The following MUCL1 variants were observed in gnomAD, a reference collection of about 807,000 sequenced individuals.
The protein encoded by MUCL1 is mucin-like protein 1.
A neutral mutation model predicts 9.2 loss-of-function variants in MUCL1; 11 were observed. That is an observed-to-expected ratio of 1.19 (90% CI 0.75 to 1.97). The LOEUF (loss-of-function observed/expected upper bound fraction) is 1.97. Among genes scored for constraint, MUCL1 ranks in the 30% most tolerant of loss-of-function variants. MUCL1 has a pLI of 0.00. For missense variants in MUCL1, 144 were observed against 110.9 expected, an observed-to-expected ratio of 1.30 and a Z score of -1.34; for synonymous variants, 48 against 40.5, an observed-to-expected ratio of 1.19 and a Z score of -0.71.
intron 1 of MUCL1, among the ~76,000 whole-genome samples, chr12:54,839,902 G>A (rs2135940455): frequency 6.6e-6 from 1 of 152,324 alleles, no homozygotes; most frequent in South Asian, 2.1e-4. Context: ...CAGACTTTCT[G>A]TGCTAAGCCC....
At chr12:54,843,274 G>A (rs1055965630) in intron 1 of MUCL1, among the ~76,000 whole-genome samples, 19 of 152,142 alleles carry the variant, frequency 1.2e-4, no homozygotes, top group African/African-American at 4.3e-4. Context: ...TGTTAATTAA[G>A]ACAATACTTT....
At chr12:54,831,598 G>A (rs1426420318) in intron 1 of MUCL1, among the ~76,000 whole-genome samples, 1 of 152,000 alleles carries the variant, frequency 6.6e-6, no homozygotes, top group Admixed American at 6.6e-5. Context: ...GAAACCTTAA[G>A]TTATACTAAG....
intron 1 of MUCL1, among the ~76,000 whole-genome samples, chr12:54,844,338 T>C (rs145342743): frequency 9.8e-5 from 15 of 152,320 alleles, no homozygotes; most frequent in African/African-American, 1.4e-4. Flanking sequence ...TAGATTTTTT[T>C]TGATGCCCTA....
At chr12:54,841,652 G>A (rs1025857726) in intron 1 of MUCL1, among the ~76,000 whole-genome samples, 4 of 152,126 alleles carry the variant, frequency 2.6e-5, no homozygotes, top group Non-Finnish European at 5.9e-5. Context: ...TTGGGAAAAT[G>A]TCTATTCAGA....
chr12:54,835,726 C>A, upstream of MUCL1, among the ~76,000 whole-genome samples: 1 of 151,068 alleles, frequency 6.6e-6, no homozygotes, highest in East Asian at 1.9e-4. Context: ...TCATATATGG[C>A]TTTTATTATT....
At chr12:54,839,236 C>A (rs904773450), upstream of MUCL1, 10 of 619,108 alleles carry the variant, frequency 1.6e-5, no homozygotes, top group Admixed American at 7.4e-5. Context: ...GTGGCTTACT[C>A]AGCTACTGGT....
At chr12:54,856,708 G>T in intron 2 of MUCL1, 62 bp from the exon 3 acceptor site, 1 of 1,552,182 alleles carries the variant, frequency 6.4e-7, no homozygotes, top group Non-Finnish European at 8.7e-7. Context: ...CTACCCCTGG[G>T]TGGGATAAAT....
chr12:54,834,581 C>T (rs1461995555), upstream of MUCL1, among the ~76,000 whole-genome samples: 2 of 151,952 alleles, frequency 1.3e-5, no homozygotes, highest in Non-Finnish European at 2.9e-5. Context: ...GCATAACATT[C>T]TCTTTACATA....
At chr12:54,839,117 T>C (rs1019280421), upstream of MUCL1, among the ~76,000 whole-genome samples, 2 of 151,672 alleles carry the variant, frequency 1.3e-5, no homozygotes, top group South Asian at 2.1e-4. Flanking sequence ...TTTTTCTCAT[T>C]GAGGATGTGA....
upstream of MUCL1, among the ~76,000 whole-genome samples, chr12:54,837,421 G>C (rs898932548): frequency 5.9e-5 from 9 of 151,844 alleles, no homozygotes; most frequent in Non-Finnish European, 1.2e-4. Context: ...CTTGCTTTTG[G>C]TTTCCATTTG....
chr12:54,855,383 C>G (rs1478290263), intron 2 of MUCL1: 7 of 522,572 alleles, frequency 1.3e-5, no homozygotes, highest in Non-Finnish European at 2.4e-5. Flanking sequence ...TAGACTTATA[C>G]AAATGTGGAC....
chr12:54,855,231 A>G (rs1209069758), intron 2 of MUCL1, 74 bp downstream of exon 2: 1 of 1,313,588 alleles, frequency 7.6e-7, no homozygotes, highest in Non-Finnish European at 1.1e-6. Flanking sequence ...TCAAACAGCC[A>G]GTTTCCATGT....
chr12:54,843,407 C>A (rs1959222475), intron 1 of MUCL1, among the ~76,000 whole-genome samples: 1 of 152,164 alleles, frequency 6.6e-6, no homozygotes, highest in South Asian at 2.1e-4. Context: ...AGATGACTAA[C>A]TTTGAAAGAC....
intron 2 of MUCL1, 115 bp from the exon 3 acceptor site, chr12:54,856,654 GA>G: frequency 1.5e-6 from 2 of 1,373,282 alleles, no homozygotes; most frequent in Non-Finnish European, 2.0e-6. Context: ...AGACAGAACT[GA>G]TGACAGATTT....
intron 1 of MUCL1, among the ~76,000 whole-genome samples, chr12:54,848,041 T>C (rs1959282280): frequency 6.6e-6 from 1 of 151,640 alleles, no homozygotes; most frequent in Non-Finnish European, 1.5e-5. Context: ...TTTTTTTTTT[T>C]TTTAATAAAT....
At chr12:54,837,327 T>G (rs913880710), upstream of MUCL1, among the ~76,000 whole-genome samples, 1 of 152,212 alleles carries the variant, frequency 6.6e-6, no homozygotes, top group Non-Finnish European at 1.5e-5. Context: ...TTTCCCATTA[T>G]ATAATGACTT....
chr12:54,833,011 T>C (rs1302873047), intron 1 of MUCL1, among the ~76,000 whole-genome samples: 1 of 152,068 alleles, frequency 6.6e-6, no homozygotes, highest in Non-Finnish European at 1.5e-5. Context: ...TTATATTATG[T>C]TTTTCTTTTT....
upstream of MUCL1, among the ~76,000 whole-genome samples, chr12:54,835,572 T>C (rs1959191567): frequency 6.6e-6 from 1 of 151,282 alleles, no homozygotes; most frequent in Admixed American, 6.6e-5. Context: ...GAGAAGTGTC[T>C]ATTCGTGTCA....
At chr12:54,848,880 A>T (rs1959295114) in intron 1 of MUCL1, among the ~76,000 whole-genome samples, 1 of 152,214 alleles carries the variant, frequency 6.6e-6, no homozygotes, top group South Asian at 2.1e-4. Context: ...AAGTGTATAC[A>T]TATATTGTGA....
Sources: allele counts gnomAD v4.1 joint callset (sites outside exome capture counted in the v4.1 genomes callset), GRCh38; gene constraint gnomAD v4.1.1; transcripts MANE v1.5; gene names NCBI Gene and HGNC (gene_info 2026-07-23, HGNC 2026-07-21).